The following CDC14A variants were observed in gnomAD, a reference collection of about 807,000 sequenced individuals.
The protein encoded by CDC14A is dual specificity protein phosphatase CDC14A.
CDC14A carries 53 observed loss-of-function variants against 74.4 expected under a neutral mutation model. The observed-to-expected ratio is 0.71, with a 90% confidence interval of 0.57 to 0.89. CDC14A has a LOEUF of 0.89. CDC14A is among the 40% of genes least tolerant of loss of function. The pLI, the probability that CDC14A is intolerant of heterozygous loss-of-function variation, is 0.00. For synonymous variants in CDC14A, 247 were observed against 258.4 expected (o/e 0.96, Z 0.43); for missense variants, 646 against 713.7 (o/e 0.91, Z 1.08).
At chr1:100,515,147 A>G (rs1650082006) in intron 15 of CDC14A, among the ~76,000 whole-genome samples, 1 of 152,144 alleles carries the variant, frequency 6.6e-6, no homozygotes, top group African/African-American at 2.4e-5. Flanking sequence ...TGAAATGGAG[A>G]GTACTTGTGT....
intron 4 of CDC14A, among the ~76,000 whole-genome samples, chr1:100,412,931 A>T (rs1399710709): frequency 1.3e-5 from 2 of 150,602 alleles, no homozygotes; most frequent in African/African-American, 4.9e-5. Flanking sequence ...TTTAAGAACG[A>T]TTAATTCTGC....
intron 4 of CDC14A, among the ~76,000 whole-genome samples, chr1:100,420,082 A>ATATATATATATATATATATGT (rs58124351): frequency 9.5e-5 from 10 of 105,520 alleles, no homozygotes; most frequent in African/African-American, 3.3e-4. Flanking sequence ...ATATATATAT[A>ATATATATATATATATATATGT]GTGTGTATGT....
At chr1:100,393,919 G>T in intron 4 of CDC14A, 1 of 219,686 alleles carries the variant, frequency 4.6e-6, no homozygotes, top group South Asian at 6.8e-5. Context: ...CTCCAGCCTG[G>T]CTACCCAGCG....
rs1655467266 is a variant in CDC14A at position 100,377,622 on chromosome 1, G to A, written c.216+1G>A. On this transcript the variant is annotated splice_donor_variant, in intron 3 of 15. Coordinates refer to ENST00000336454, the MANE Select transcript of CDC14A (RefSeq NM_003672.4). LOFTEE classifies it high-confidence loss of function. ...CTGCAAACTAAACAAGAAACTAAAA[G>A]TGAGTATTGTAGTGATATTTATAAT... 4 of 1,602,576 alleles carry A rather than the reference G, an allele frequency of 2.5e-6. No individual in the cohort carries two copies. The highest frequency in any genetic ancestry group is 1.7e-6 in the Non-Finnish European group (2 of 1,169,794).
intron 15 of CDC14A, chr1:100,505,066 C>A: frequency 2.3e-6 from 2 of 887,258 alleles, no homozygotes; most frequent in Non-Finnish European, 3.2e-6. Context: ...ACTTCTTTTG[C>A]AGACATTTCA....
intron 2 of CDC14A, among the ~76,000 whole-genome samples, chr1:100,371,872 C>T (rs764875388): frequency 6.6e-6 from 1 of 152,144 alleles, no homozygotes; most frequent in Non-Finnish European, 1.5e-5. Flanking sequence ...CTTCCATTAA[C>T]CCAAGGATAA....
At chr1:100,387,641 G>T (rs1657059395) in intron 3 of CDC14A, among the ~76,000 whole-genome samples, 1 of 152,126 alleles carries the variant, frequency 6.6e-6, no homozygotes, top group Non-Finnish European at 1.5e-5. Context: ...ATTTATGAAA[G>T]CTTATAAAGT....
rs370758729 is a variant in CDC14A at position 100,446,618 on chromosome 1, C to T, written c.519+3622C>T. On this transcript the variant is annotated intron_variant, in intron 7 of 15. Coordinates refer to ENST00000336454, the MANE Select transcript of CDC14A (RefSeq NM_003672.4). ...AATAGCATTTAACATGTAAGCAATA[C>T]AAAAATTATTAATGATGTATGTATT... 1.4e-4 allele frequency among the ~76,000 whole-genome samples: 20 copies of T among 147,978 alleles called. No homozygotes were observed. In the East Asian group the frequency reaches 2.2e-3, roughly 16 times the overall value.
intron 3 of CDC14A, among the ~76,000 whole-genome samples, chr1:100,382,111 C>T (rs1193147402): frequency 2.0e-5 from 3 of 150,864 alleles, no homozygotes; most frequent in Non-Finnish European, 4.4e-5. Flanking sequence ...TTGACACAGA[C>T]ATGCTAAGAA....
intron 5 of CDC14A, among the ~76,000 whole-genome samples, chr1:100,430,043 T>A (rs1453500478): frequency 6.6e-6 from 1 of 152,142 alleles, no homozygotes; most frequent in Non-Finnish European, 1.5e-5. Flanking sequence ...TACAAAGTAC[T>A]GATTTTCTTC....
intron 2 of CDC14A, among the ~76,000 whole-genome samples, chr1:100,375,102 G>A (rs1419796966): frequency 2.0e-5 from 3 of 152,192 alleles, no homozygotes; most frequent in Non-Finnish European, 4.4e-5. Context: ...TAGGATGATT[G>A]GAAAGGCTTC....
intron 10 of CDC14A, chr1:100,480,853 A>G (rs907481157): frequency 6.6e-6 from 1 of 152,208 alleles, no homozygotes; most frequent in African/African-American, 2.4e-5. Context: ...AGATTTAGTT[A>G]GTTGAATCTT....
chr1:100,353,963 G>A, intron 2 of CDC14A, 111 bp downstream of exon 2: 3 of 663,112 alleles, frequency 4.5e-6, no homozygotes, highest in Non-Finnish European at 8.0e-6. Flanking sequence ...AATGATACGA[G>A]TAACAATATC....
At chr1:100,411,739 A>G (rs372040921) in intron 4 of CDC14A, among the ~76,000 whole-genome samples, 15 of 152,288 alleles carry the variant, frequency 9.8e-5, no homozygotes, top group African/African-American at 3.4e-4. Flanking sequence ...TGGGCCAGAC[A>G]CCCCTTCTGA....
intron 6 of CDC14A, among the ~76,000 whole-genome samples, chr1:100,441,462 G>A (rs1664918537): frequency 6.6e-6 from 1 of 152,088 alleles, no homozygotes; most frequent in Non-Finnish European, 1.5e-5. Context: ...TTTTTAGGGA[G>A]CACATTTCTC....
intron 2 of CDC14A, among the ~76,000 whole-genome samples, chr1:100,368,852 T>C (rs560833544): frequency 2.8e-4 from 43 of 152,342 alleles, no homozygotes; most frequent in African/African-American, 1.0e-3. Flanking sequence ...TATTTGGTTT[T>C]CTATTCCTGC....
chr1:100,377,515 T>C (rs1174057704), intron 2 of CDC14A, 31 bp from the exon 3 acceptor site: 2 of 1,473,874 alleles, frequency 1.4e-6, no homozygotes, highest in Admixed American at 1.8e-5. Context: ...TTTGACTAAA[T>C]ACTACGTTTT....
intron 3 of CDC14A, among the ~76,000 whole-genome samples, chr1:100,385,563 C>T (rs1656718785): frequency 6.6e-6 from 1 of 152,118 alleles, no homozygotes; most frequent in African/African-American, 2.4e-5. Context: ...GTTATGGCCT[C>T]ATAATTAAGA....
intron 15 of CDC14A, among the ~76,000 whole-genome samples, chr1:100,516,552 TAC>T (rs367958031): frequency 1.3e-5 from 2 of 151,786 alleles, no homozygotes; most frequent in African/African-American, 2.4e-5. Flanking sequence ...CTAGCTGAGC[TAC>T]ACACACACAC....
Sources: gnomAD v4.1 joint callset for allele counts (sites outside exome capture counted in the v4.1 genomes callset) on GRCh38, gnomAD v4.1.1 for gene constraint, MANE v1.5 for transcripts, NCBI Gene and HGNC (gene_info 2026-07-23, HGNC 2026-07-21) for gene names.